The following LSAMP variants were observed in gnomAD, a reference collection of about 807,000 sequenced individuals.
The protein encoded by LSAMP is limbic system-associated membrane protein.
In LSAMP, 7 loss-of-function variants were observed where a neutral mutation model predicts 38.6. The ratio of observed to expected loss-of-function variants is 0.18; its 90% confidence interval spans 0.10 to 0.34. LSAMP has a LOEUF of 0.34. Among genes scored for constraint, LSAMP ranks in the 10% least tolerant of loss-of-function variants. The pLI is 1.00. For missense variants in LSAMP, 313 were observed against 420.0 expected, an observed-to-expected ratio of 0.75 and a Z score of 2.23; for synonymous variants, 154 against 166.8, an observed-to-expected ratio of 0.92 and a Z score of 0.59.
chr3:115,841,819 G>T (rs1372584569), intron 6 of LSAMP, 26 bp downstream of exon 6: 10 of 1,579,668 alleles, frequency 6.3e-6, no homozygotes, highest in Non-Finnish European at 6.9e-6. Flanking sequence ...ATTCCATCAA[G>T]TTGGGCCCTG....
intron 1 of LSAMP, among the ~76,000 whole-genome samples, chr3:116,374,754 A>T (rs1470999634): frequency 6.6e-6 from 1 of 151,844 alleles, no homozygotes; most frequent in Non-Finnish European, 1.5e-5. Flanking sequence ...GTGCCATCCA[A>T]TCTCTACAAT....
Position 115,802,531 on chromosome 3 carries a change from T to A in LSAMP, c.*7786A>T, listed in dbSNP as rs1231550526. On this transcript the variant is annotated 3_prime_UTR_variant, in exon 7 of 7. Coordinates refer to ENST00000490035, the MANE Select transcript of LSAMP (RefSeq NM_002338.5). ...TTTTTTTCATTTTAATTTTAATTTT[T>A]TTTTTTTAACACACATTGCGCTTTT... 3.3e-5 allele frequency: 5 copies of A among 151,722 alleles called. No homozygotes were observed. The highest frequency in any genetic ancestry group is 1.3e-4 in the Admixed American group (2 of 15,236). 9.4% of individuals were successfully genotyped at this position (151,722 alleles called of 1,614,324 possible). A position where few individuals can be genotyped will look rare whatever the true frequency, so the allele number is the denominator to read the frequency against.
chr3:115,948,416 A>G (rs1938172221), intron 3 of LSAMP, among the ~76,000 whole-genome samples: 1 of 152,216 alleles, frequency 6.6e-6, no homozygotes, highest in Non-Finnish European at 1.5e-5. Context: ...GAAAAATGAA[A>G]TCATATCAAG....
intron 2 of LSAMP, among the ~76,000 whole-genome samples, chr3:116,047,439 G>A (rs528463833): frequency 1.3e-5 from 2 of 150,616 alleles, no homozygotes; most frequent in South Asian, 4.2e-4. Context: ...ATTTTAAGGT[G>A]TTTAAAGCCC....
intron 3 of LSAMP, among the ~76,000 whole-genome samples, chr3:115,908,847 A>T (rs1205554931): frequency 6.6e-6 from 1 of 152,076 alleles, no homozygotes; most frequent in African/African-American, 2.4e-5. Flanking sequence ...GTCATCTCCA[A>T]CCTGTCTAGA....
intron 1 of LSAMP, among the ~76,000 whole-genome samples, chr3:116,184,964 A>T (rs1710576370): frequency 6.6e-6 from 1 of 150,784 alleles, no homozygotes; most frequent in Admixed American, 6.6e-5. Flanking sequence ...ATTTCTAATG[A>T]AGTCTTCTAA....
At chr3:115,941,951 A>G (rs1031465147) in intron 3 of LSAMP, among the ~76,000 whole-genome samples, 10 of 152,182 alleles carry the variant, frequency 6.6e-5, no homozygotes, top group Non-Finnish European at 1.5e-4. Flanking sequence ...TAAAATCACC[A>G]CATTGTATAC....
intron 1 of LSAMP, among the ~76,000 whole-genome samples, chr3:116,211,746 A>C (rs906493732): frequency 6.6e-6 from 1 of 152,220 alleles, no homozygotes; most frequent in Non-Finnish European, 1.5e-5. Flanking sequence ...AGAACTAGTC[A>C]GTCTGGCAAA....
chr3:115,975,764 T>G (rs893970237), intron 3 of LSAMP, among the ~76,000 whole-genome samples: 1 of 152,138 alleles, frequency 6.6e-6, no homozygotes, highest in African/African-American at 2.4e-5. Context: ...TAATCTTCTG[T>G]GTAAATAAGA....
At chr3:116,424,783 G>A (rs2049173012) in intron 1 of LSAMP, among the ~76,000 whole-genome samples, 1 of 152,084 alleles carries the variant, frequency 6.6e-6, no homozygotes, top group African/African-American at 2.4e-5. Flanking sequence ...CAGCAAATAA[G>A]GCTGGGTGCC....
intron 1 of LSAMP, among the ~76,000 whole-genome samples, chr3:116,167,340 G>T (rs1710084800): frequency 6.6e-6 from 1 of 152,058 alleles, no homozygotes; most frequent in Admixed American, 6.6e-5. Flanking sequence ...TAGTTGTACT[G>T]CACATGAGTG....
At chr3:116,017,300 AAAGT>A (rs1450084139) in intron 3 of LSAMP, among the ~76,000 whole-genome samples, 1 of 152,174 alleles carries the variant, frequency 6.6e-6, no homozygotes, top group African/African-American at 2.4e-5. Flanking sequence ...GTGCCAAAAG[AAAGT>A]GTCTTTCTAT....
At chr3:115,907,520 G>T (rs977545425) in intron 3 of LSAMP, among the ~76,000 whole-genome samples, 1 of 152,058 alleles carries the variant, frequency 6.6e-6, no homozygotes, top group Non-Finnish European at 1.5e-5. Flanking sequence ...ATAAATTTCT[G>T]TTGTTTGTAA....
chr3:116,131,439 T>G (rs1709131333), intron 1 of LSAMP, among the ~76,000 whole-genome samples: 1 of 152,038 alleles, frequency 6.6e-6, no homozygotes, highest in Non-Finnish European at 1.5e-5. Context: ...GTCAGTGAAA[T>G]AAAATGAGAT....
At chr3:116,138,819 T>C (rs1204584693) in intron 1 of LSAMP, among the ~76,000 whole-genome samples, 4 of 116,186 alleles carry the variant, frequency 3.4e-5, no homozygotes, top group Non-Finnish European at 5.7e-5. Flanking sequence ...CTTACGTAAA[T>C]TGACTTTTTT....
intron 1 of LSAMP, among the ~76,000 whole-genome samples, chr3:116,382,193 G>C (rs1318356539): frequency 7.2e-5 from 11 of 152,022 alleles, no homozygotes; most frequent in Admixed American, 5.2e-4. Flanking sequence ...CTGCTATAAA[G>C]ACACATGCAC....
intron 3 of LSAMP, among the ~76,000 whole-genome samples, chr3:115,944,141 GAAGAAAGCTGCTGCTAGCT>G (rs1464261598): frequency 6.6e-6 from 1 of 152,144 alleles, no homozygotes; most frequent in Non-Finnish European, 1.5e-5. Context: ...GCTCTCTAGG[GAAGAAAGCTGCTGCTAGCT>G]AAGACATTTA....
At chr3:116,161,305 A>G (rs1282313162) in intron 1 of LSAMP, among the ~76,000 whole-genome samples, 2 of 152,230 alleles carry the variant, frequency 1.3e-5, no homozygotes, top group Non-Finnish European at 2.9e-5. Flanking sequence ...GAGTGAATAT[A>G]GCAAGATGAT....
chr3:116,292,920 C>T (rs185172364), intron 1 of LSAMP, among the ~76,000 whole-genome samples: 307 of 152,188 alleles, frequency 2.0e-3, no homozygotes, highest in Admixed American at 4.1e-3. Flanking sequence ...TTTTTTAGTC[C>T]ATATCCTGTG....
Sources: gnomAD v4.1 joint callset for allele counts (sites outside exome capture counted in the v4.1 genomes callset) on GRCh38, gnomAD v4.1.1 for gene constraint, MANE v1.5 for transcripts, NCBI Gene and HGNC (gene_info 2026-07-23, HGNC 2026-07-21) for gene names.